Variants in RFC3 observed in about 807,000 individuals in gnomAD.
RFC3 encodes A1 38 kDa subunit.
In RFC3, 41 loss-of-function variants were observed where a neutral mutation model predicts 45.1. The observed-to-expected ratio is 0.91, with a 90% CI of 0.71 to 1.18. RFC3 has a LOEUF of 1.18. Among genes scored for constraint, RFC3 ranks in the 50% most tolerant of loss-of-function variants. The probability of loss-of-function intolerance (pLI) is 0.00; values close to 1 mark genes in which losing one functional copy is unlikely to be tolerated. For missense variants in RFC3, 423 were observed against 428.1 expected, an observed-to-expected ratio of 0.99 and a Z score of 0.10; for synonymous variants, 149 against 144.0, an observed-to-expected ratio of 1.03 and a Z score of -0.25.
chr13:33,961,343 A>G (rs1244905995), intron 8 of RFC3, among the ~76,000 whole-genome samples: 2 of 152,102 alleles, frequency 1.3e-5, no homozygotes, highest in East Asian at 1.9e-4. Flanking sequence ...ATGCTTCTCT[A>G]TGTTACCCTG....
chr13:33,873,285 T>C (rs897774345), intron 8 of RFC3, among the ~76,000 whole-genome samples: 1 of 152,184 alleles, frequency 6.6e-6, no homozygotes, highest in Non-Finnish European at 1.5e-5. Flanking sequence ...AAAGATATTA[T>C]TTCATGAAAT....
chr13:33,950,385 A>G (rs1436066938), intron 8 of RFC3, among the ~76,000 whole-genome samples: 1 of 152,216 alleles, frequency 6.6e-6, no homozygotes, highest in Non-Finnish European at 1.5e-5. Context: ...TAGTAAAAAT[A>G]TCGATATAAT....
intron 7 of RFC3, among the ~76,000 whole-genome samples, chr13:33,832,488 T>C (rs945094574): frequency 1.3e-5 from 2 of 152,148 alleles, no homozygotes; most frequent in African/African-American, 2.4e-5. Flanking sequence ...ACCATATAGA[T>C]TGGTGGAGGT....
At chr13:33,853,579 G>T (rs1035683806) in intron 8 of RFC3, among the ~76,000 whole-genome samples, 3 of 152,156 alleles carry the variant, frequency 2.0e-5, no homozygotes, top group Non-Finnish European at 2.9e-5. Context: ...AAGTAGGCAG[G>T]ATACGCTGGA....
downstream of RFC3, among the ~76,000 whole-genome samples, chr13:33,970,286 T>A (rs900681392): frequency 6.6e-6 from 1 of 152,244 alleles, no homozygotes; most frequent in Non-Finnish European, 1.5e-5. Context: ...TATGGCTGCA[T>A]AGTATTCCAT....
chr13:33,896,923 T>G (rs757353840), intron 8 of RFC3, among the ~76,000 whole-genome samples: 1 of 151,840 alleles, frequency 6.6e-6, no homozygotes, highest in Admixed American at 6.6e-5. Context: ...AGAGATAAAA[T>G]CTTATTGAGA....
At chr13:33,856,935 C>T (rs1221127817) in intron 8 of RFC3, among the ~76,000 whole-genome samples, 1 of 152,150 alleles carries the variant, frequency 6.6e-6, no homozygotes. Context: ...AACCTCAACT[C>T]TACCCAGACA....
intron 8 of RFC3, among the ~76,000 whole-genome samples, chr13:33,910,316 CATT>C (rs2082696424): frequency 6.6e-6 from 1 of 152,034 alleles, no homozygotes; most frequent in African/African-American, 2.4e-5. Flanking sequence ...CTCACTTAGA[CATT>C]ATCTTTTCTA....
intron 8 of RFC3, among the ~76,000 whole-genome samples, chr13:33,928,834 T>TG (rs141443352): frequency 0.088 from 13,315 of 150,730 alleles, 999 homozygotes; most frequent in African/African-American, 0.21. Context: ...AACCAATGTC[T>TG]GGGGGGGGAA....
intron 8 of RFC3, chr13:33,846,136 C>T (rs1010649327): frequency 4.6e-5 from 7 of 152,194 alleles, no homozygotes; most frequent in East Asian, 1.9e-4. Context: ...TCTGTCTCTC[C>T]ATGCTGAGTT....
chr13:33,954,769 C>A (rs1331023338), intron 8 of RFC3, among the ~76,000 whole-genome samples: 1 of 152,122 alleles, frequency 6.6e-6, no homozygotes, highest in Non-Finnish European at 1.5e-5. Flanking sequence ...AATCACTAAT[C>A]TCCTCACGAG....
chr13:33,849,064 G>GACAGGCAGA, intron 8 of RFC3: 1 of 33,846 alleles, frequency 3.0e-5, no homozygotes, highest in East Asian at 6.4e-4. Flanking sequence ...AGATAGACAG[G>GACAGGCAGA]CAGACAGACA....
intron 8 of RFC3, among the ~76,000 whole-genome samples, chr13:33,940,979 A>G (rs1442904087): frequency 6.6e-6 from 1 of 152,230 alleles, no homozygotes; most frequent in Non-Finnish European, 1.5e-5. Context: ...GTCCCCAGAG[A>G]ATCTCCGACC....
At position 33,849,060 on chromosome 13, in the gene RFC3, ACAGG is replaced by A. The variant is rs371877200; in HGVS notation, c.879+13847_879+13850del. 9.0e-3 allele frequency: 543 copies of A among 60,414 alleles called. 3 individuals are homozygous for A. Among genetic ancestry groups the A allele is most frequent in the African/African-American group, 0.019 (510 of 26,594 alleles). 3.7% of individuals were successfully genotyped at this position (60,414 alleles called of 1,614,324 possible). On this transcript the variant is annotated intron_variant, in intron 8 of 8. Transcript: ENST00000434425. ...TGCAGGATGATAGATAGATAGATAG[ACAGG>A]CAGACAGACAGGCAGACAGACAGAT... is the stretch of plus-strand genomic sequence containing the variant.
chr13:33,946,029 G>A (rs1173497397), intron 8 of RFC3, among the ~76,000 whole-genome samples: 2 of 152,138 alleles, frequency 1.3e-5, no homozygotes, highest in Non-Finnish European at 2.9e-5. Context: ...GCGCTGCTCT[G>A]TCGGCCTAGG....
Position 33,896,233 on chromosome 13 carries a change from AAAAG to A in RFC3, c.879+61021_879+61024del, listed in dbSNP as rs2082597490. Reference sequence around the variant, plus strand: ...TTGCAAAAGTTTCTATTCTAATATAAAAAGAAAGTATAAAATAGTTTAAACCAAA... The same window carrying A: ...TTGCAAAAGTTTCTATTCTAATATAAAAAGTATAAAATAGTTTAAACCAAA... On this transcript the variant is annotated intron_variant, in intron 8 of 8. Transcript: ENST00000434425. 2.0e-5 allele frequency among the ~76,000 whole-genome samples: 3 copies of A among 151,776 alleles called. No individual in the cohort carries two copies. In the South Asian group the frequency reaches 6.2e-4, roughly 31 times the overall value.
intron 8 of RFC3, chr13:33,850,499 TTTAA>T (rs2082269713): frequency 6.6e-6 from 1 of 152,078 alleles, no homozygotes; most frequent in Admixed American, 6.6e-5. Context: ...AACATCAAAA[TTTAA>T]TCAGGCTTTG....
At chr13:33,842,639 A>C (rs1052159260) in intron 8 of RFC3, among the ~76,000 whole-genome samples, 3 of 152,096 alleles carry the variant, frequency 2.0e-5, no homozygotes, top group African/African-American at 7.2e-5. Flanking sequence ...CCTGCAGCCA[A>C]ATGTAGGGTG....
At chr13:33,881,740 G>T (rs1593662422) in intron 8 of RFC3, among the ~76,000 whole-genome samples, 1 of 151,974 alleles carries the variant, frequency 6.6e-6, no homozygotes, top group African/African-American at 2.4e-5. Flanking sequence ...TCTCAGTCCC[G>T]TGCTTTCCTC....
Sources: allele counts gnomAD v4.1 joint callset (sites outside exome capture counted in the v4.1 genomes callset), GRCh38; gene constraint gnomAD v4.1.1; transcripts MANE v1.5; gene names NCBI Gene and HGNC (gene_info 2026-07-23, HGNC 2026-07-21).